Variants in LAMA3 observed in about 807,000 individuals in gnomAD.
LAMA3 encodes the protein laminin subunit alpha 3.
A neutral mutation model predicts 402.0 loss-of-function variants in LAMA3; 281 were observed. The ratio of observed to expected loss-of-function variants is 0.70; its 90% CI spans 0.63 to 0.77. The LOEUF (loss-of-function observed/expected upper bound fraction) is 0.77, where lower values mean the gene tolerates loss of function less well. Ranked by LOEUF, LAMA3 falls within the 30% of genes least tolerant of loss-of-function variation. The pLI is 0.00. For synonymous variants in LAMA3, 1,431 were observed against 1,558.4 expected (o/e 0.92, Z 1.93); for missense variants, 3,840 against 4,215.5 (o/e 0.91, Z 2.47).
intron 2 of LAMA3, among the ~76,000 whole-genome samples, chr18:23,726,728 G>A (rs182032713): frequency 9.9e-5 from 15 of 152,060 alleles, no homozygotes; most frequent in East Asian, 1.9e-4. Flanking sequence ...AGCGATTCCC[G>A]TGTCTCAGCC....
intron 44 of LAMA3, among the ~76,000 whole-genome samples, chr18:23,896,926 C>T (rs1219739940): frequency 2.6e-5 from 4 of 152,080 alleles, no homozygotes; most frequent in Non-Finnish European, 5.9e-5. Context: ...CCAGAAAGAG[C>T]CTGCAAACAT....
chr18:23,827,832 C>G (rs2063414902), intron 23 of LAMA3, among the ~76,000 whole-genome samples: 1 of 152,274 alleles, frequency 6.6e-6, no homozygotes, highest in Middle Eastern at 3.4e-3. Context: ...AATGACACAG[C>G]TTACCCTAAA....
chr18:23,717,985 A>G (rs2061139806), intron 2 of LAMA3, among the ~76,000 whole-genome samples: 1 of 152,014 alleles, frequency 6.6e-6, no homozygotes, highest in African/African-American at 2.4e-5. Flanking sequence ...TTAATTATAC[A>G]TTATGCAGTA....
intron 35 of LAMA3, among the ~76,000 whole-genome samples, chr18:23,864,170 A>G (rs756327789): frequency 9.3e-5 from 14 of 151,320 alleles, no homozygotes; most frequent in Non-Finnish European, 1.6e-4. Context: ...AATCATCTAG[A>G]AAAAAAAAGG....
At chr18:23,805,375 C>T (rs1041726393) in intron 12 of LAMA3, among the ~76,000 whole-genome samples, 1 of 152,216 alleles carries the variant, frequency 6.6e-6, no homozygotes, top group African/African-American at 2.4e-5. Context: ...TGGTAGCCCT[C>T]ATCTCTGCAA....
At position 23,827,312 on chromosome 18, in the gene LAMA3, A is replaced by G; in HGVS notation, c.2670-2A>G. ...ATTCCATTGTTGTTGCTGTTGTTGAAGTTGCTTACTCTACCAGCATTTGCC... is the reference window on the plus strand; with the variant it reads ...ATTCCATTGTTGTTGCTGTTGTTGAGGTTGCTTACTCTACCAGCATTTGCC... On this transcript the variant is annotated splice_acceptor_variant, in intron 22 of 74. Transcript: ENST00000313654. LOFTEE classifies it high-confidence loss of function. The G allele has an allele frequency of 6.2e-7, 1 of 1,614,100 alleles. No homozygotes were observed. Among genetic ancestry groups the G allele is most frequent in the Non-Finnish European group, 8.5e-7 (1 of 1,180,006 alleles).
chr18:23,847,343 A>G lies in LAMA3; in HGVS notation c.3932-121A>G, dbSNP rs17259479. On this transcript the variant is annotated intron_variant, in intron 31 of 74. Coordinates refer to ENST00000313654, the MANE Select transcript of LAMA3 (RefSeq NM_198129.4). ...CTTGACTCCAAGAAATGGGCCTTTC[A>G]GATCCAAATATTTCTCTCTGACCCT... 2.2e-5 allele frequency: 23 copies of G among 1,053,022 alleles called. No homozygotes were observed. The East Asian group carries it at 5.6e-4, about 26-fold the overall frequency. 65.2% of individuals were successfully genotyped at this position (1,053,022 alleles called of 1,614,324 possible).
At position 23,705,919 on chromosome 18, in the gene LAMA3, C is replaced by T. The variant is rs150188423; in HGVS notation, c.295-8001C>T. On this transcript the variant is annotated intron_variant, in intron 1 of 74. Transcript: ENST00000313654. ...TATGTCTAAATGTATGGTCTGCCCA[C>T]CCCCATTCCCTCTGTCTCTTACATT... 1.2e-3 allele frequency among the ~76,000 whole-genome samples: 182 copies of T among 152,256 alleles called. 1 individual carries two copies. The highest frequency in any genetic ancestry group is 4.1e-3 in the African/African-American group (169 of 41,558).
intron 1 of LAMA3, among the ~76,000 whole-genome samples, chr18:23,712,619 A>G (rs1023681019): frequency 8.6e-6 from 1 of 116,906 alleles, no homozygotes. Context: ...TTATAGAACC[A>G]TTTTTGTATA....
intron 6 of LAMA3, among the ~76,000 whole-genome samples, chr18:23,757,317 C>T (rs1272115314): frequency 6.6e-6 from 1 of 152,020 alleles, no homozygotes; most frequent in African/African-American, 2.4e-5. Flanking sequence ...CCTCGTGGCT[C>T]CCATCCTTCC....
At chr18:23,878,596 G>A (rs2064799915) in intron 39 of LAMA3, among the ~76,000 whole-genome samples, 1 of 152,234 alleles carries the variant, frequency 6.6e-6, no homozygotes, top group African/African-American at 2.4e-5. Flanking sequence ...TGTGTCCACT[G>A]CATGGAAGCT....
intron 13 of LAMA3, among the ~76,000 whole-genome samples, chr18:23,812,416 G>A (rs1172764764): frequency 6.6e-6 from 1 of 152,084 alleles, no homozygotes; most frequent in Non-Finnish European, 1.5e-5. Context: ...AAAGCCAATA[G>A]GGTTAAGGAA....
chr18:23,908,101 G>T (rs74563629), intron 54 of LAMA3, among the ~76,000 whole-genome samples, 166 bp downstream of exon 54: 1 of 152,316 alleles, frequency 6.6e-6, no homozygotes, highest in East Asian at 1.9e-4. Flanking sequence ...TATCCTGCTA[G>T]TTGGAAGGAC....
Position 23,946,264 on chromosome 18 carries a change from C to T in LAMA3, c.9331C>T (p.Pro3111Ser), listed in dbSNP as rs1465322559. ...SIRAPVYLGSPPSGKPKSLPT... is the reference protein window; with the variant it reads ...SIRAPVYLGSSPSGKPKSLPT... Reference sequence around the variant, plus strand: ...CAGAGCGCCAGTTTACCTGGGATCACCTCCATCAGGGAAACCAAAGGTAAA... The same window carrying T: ...CAGAGCGCCAGTTTACCTGGGATCATCTCCATCAGGGAAACCAAAGGTAAA... Residue 3111 changes from proline to serine, a missense_variant, in exon 70 of 75, where the codon CCT (proline) becomes TCT (serine). By Grantham distance (74) the Pro-to-Ser change is moderately conservative (BLOSUM62 -1). Around this residue, in one of 3 missense-constraint regions of LAMA3, gnomAD observed 840 missense variants for 981.9 expected, o/e 0.86. Coordinates refer to ENST00000313654, the MANE Select transcript of LAMA3 (RefSeq NM_198129.4). The T allele has an allele frequency of 1.2e-6, 2 of 1,613,994 alleles. No homozygotes were observed. Among genetic ancestry groups the T allele is most frequent in the Non-Finnish European group, 1.7e-6 (2 of 1,180,028 alleles).
At chr18:23,752,137 T>G (rs1235036752) in intron 5 of LAMA3, among the ~76,000 whole-genome samples, 2 of 152,080 alleles carry the variant, frequency 1.3e-5, no homozygotes, top group African/African-American at 2.4e-5. Context: ...TGGCCTATCT[T>G]TTGTATTTTT....
chr18:23,950,260 C>A, intron 72 of LAMA3, 101 bp downstream of exon 72: 1 of 1,367,452 alleles, frequency 7.3e-7, no homozygotes, highest in Non-Finnish European at 1.0e-6. Context: ...GGGATCCAAT[C>A]TTGTATTTAA....
intron 10 of LAMA3, among the ~76,000 whole-genome samples, chr18:23,776,208 T>A (rs2062315459): frequency 6.6e-6 from 1 of 152,174 alleles, no homozygotes; most frequent in Non-Finnish European, 1.5e-5. Flanking sequence ...AATCCATGTG[T>A]GTGATTTTTC....
rs576289290 is a variant in LAMA3 at position 23,910,199 on chromosome 18, T to C, written c.7158+904T>C. On this transcript the variant is annotated intron_variant, in intron 55 of 74. Transcript: ENST00000313654. ...TTTGAAGTGTATTATAGCACAGTGG[T>C]TAACAGCTGTTTAACCAAGCCAGAC... Among the ~76,000 whole-genome samples the C allele has an allele frequency of 3.0e-4, 46 of 152,342 alleles. No individual in the cohort carries two copies. In the South Asian group the frequency reaches 9.5e-3, roughly 32 times the overall value.
intron 1 of LAMA3, among the ~76,000 whole-genome samples, chr18:23,690,754 G>A (rs1018855565): frequency 2.7e-5 from 4 of 148,508 alleles, no homozygotes; most frequent in Non-Finnish European, 5.9e-5. Context: ...GGGACTACAG[G>A]CGTGCCCCCC....
Sources: allele counts gnomAD v4.1 joint callset (sites outside exome capture counted in the v4.1 genomes callset), GRCh38; gene constraint gnomAD v4.1.1; regional missense constraint gnomAD v4.1.1; transcripts MANE v1.5; gene names NCBI Gene and HGNC (gene_info 2026-07-23, HGNC 2026-07-21).